TMEM123: variants seen among roughly 807,000 people sequenced by gnomAD.
The protein encoded by TMEM123 is porimin.
In TMEM123, 16 loss-of-function variants were observed where a neutral mutation model predicts 19.7. The ratio of observed to expected loss-of-function variants is 0.81; its 90% CI spans 0.55 to 1.23. The LOEUF (loss-of-function observed/expected upper bound fraction) is 1.23, where lower values mean the gene tolerates loss of function less well. Ranked by LOEUF, TMEM123 falls within the 50% of genes most tolerant of loss-of-function variation. The pLI is 0.00. For synonymous variants in TMEM123, 118 were observed against 99.4 expected (o/e 1.19, Z -1.12); for missense variants, 313 against 257.8 (o/e 1.21, Z -1.47).
chr11:102,411,363 A>G (rs1952003316), intron 2 of TMEM123, among the ~76,000 whole-genome samples: 1 of 152,142 alleles, frequency 6.6e-6, no homozygotes, highest in African/African-American at 2.4e-5. Context: ...ACCTTACCCT[A>G]ACCATCTCTT....
intron 2 of TMEM123, among the ~76,000 whole-genome samples, chr11:102,424,424 G>A (rs1329209220): frequency 2.0e-5 from 3 of 152,164 alleles, no homozygotes; most frequent in East Asian, 1.9e-4. Context: ...AGTGGCTCAC[G>A]CCTATAATCC....
At chr11:102,420,805 T>C (rs1290084341) in intron 2 of TMEM123, among the ~76,000 whole-genome samples, 2 of 152,168 alleles carry the variant, frequency 1.3e-5, no homozygotes, top group East Asian at 3.9e-4. Context: ...TGGCTCACTT[T>C]GGGAGGCCAA....
rs186720147 is a variant in TMEM123, at chr11:102,402,980, A to G, written c.158-774T>C. 1.2e-4 allele frequency among the ~76,000 whole-genome samples: 18 copies of G among 152,294 alleles called. No homozygotes were observed. In the East Asian group the frequency reaches 3.5e-3, roughly 29 times the overall value. On this transcript the variant is annotated intron_variant, in intron 2 of 4. Coordinates refer to ENST00000398136, the MANE Select transcript of TMEM123 (RefSeq NM_052932.3). ...TGGGGGGTATAATGTAAACAGAAACATATAGGTACAGATCTTGTTAATGCT... is the reference window on the plus strand; with the variant it reads ...TGGGGGGTATAATGTAAACAGAAACGTATAGGTACAGATCTTGTTAATGCT...
At chr11:102,435,646 A>G (rs1173320951) in intron 2 of TMEM123, among the ~76,000 whole-genome samples, 2 of 151,994 alleles carry the variant, frequency 1.3e-5, no homozygotes, top group East Asian at 3.8e-4. Flanking sequence ...TAGAAGCACT[A>G]TTCATAATAT....
chr11:102,441,314 G>A (rs543167370), intron 2 of TMEM123, among the ~76,000 whole-genome samples: 4 of 152,198 alleles, frequency 2.6e-5, no homozygotes, highest in African/African-American at 9.7e-5. Flanking sequence ...CTCAGCAAAT[G>A]TAAAAGAACA....
chr11:102,418,416 A>T (rs990536229), intron 2 of TMEM123, among the ~76,000 whole-genome samples: 3 of 152,210 alleles, frequency 2.0e-5, no homozygotes, highest in Admixed American at 1.3e-4. Flanking sequence ...CAAGCATATT[A>T]AAAAAATGCT....
intron 2 of TMEM123, among the ~76,000 whole-genome samples, chr11:102,443,736 A>C (rs1857852088): frequency 6.6e-6 from 1 of 152,168 alleles, no homozygotes; most frequent in Non-Finnish European, 1.5e-5. Context: ...TGGCAAAAGA[A>C]ACTACCATCA....
chr11:102,398,217 T>C lies in TMEM123; in HGVS notation c.*650A>G. ...AAAGCTCAAAAGAAGTTAATAAAAA[T>C]ATGTGCTCCTTAATGCTCCAATGGA... On this transcript the variant is annotated 3_prime_UTR_variant, in exon 5 of 5. Coordinates refer to ENST00000398136, the MANE Select transcript of TMEM123 (RefSeq NM_052932.3). 1 of 180,996 alleles carries C rather than the reference T, an allele frequency of 5.5e-6. No individual in the cohort carries two copies. Among genetic ancestry groups the C allele is most frequent in the Non-Finnish European group, 1.1e-5 (1 of 87,652 alleles). The allele number at this position is 180,996 out of a possible 1,614,324, so 11.2% of individuals were successfully genotyped here.
chr11:102,420,983 G>C (rs771359450), intron 2 of TMEM123, among the ~76,000 whole-genome samples: 1 of 152,176 alleles, frequency 6.6e-6, no homozygotes, highest in South Asian at 2.1e-4. Context: ...GGAGGCGGAG[G>C]TTGCAGTGAG....
At chr11:102,427,028 G>C (rs1417280882) in intron 2 of TMEM123, among the ~76,000 whole-genome samples, 2 of 150,748 alleles carry the variant, frequency 1.3e-5, no homozygotes, top group South Asian at 2.1e-4. Flanking sequence ...TTACAGGAGA[G>C]AACTCTGAGA....
chr11:102,423,992 A>T (rs1401380971), intron 2 of TMEM123, among the ~76,000 whole-genome samples: 2 of 152,220 alleles, frequency 1.3e-5, no homozygotes, highest in Non-Finnish European at 2.9e-5. Context: ...TCTCCTGTAA[A>T]AGAAAAGAAC....
chr11:102,418,491 T>C (rs567985086), intron 2 of TMEM123, among the ~76,000 whole-genome samples: 10 of 151,930 alleles, frequency 6.6e-5, no homozygotes, highest in Non-Finnish European at 1.2e-4. Context: ...CCAGTCAGAA[T>C]GGTAAAAAAT....
intron 4 of TMEM123, 106 bp from the exon 5 acceptor site, chr11:102,398,997 C>A (rs954304808): frequency 2.0e-6 from 2 of 1,016,608 alleles, no homozygotes; most frequent in Admixed American, 2.2e-5. Flanking sequence ...TCAAGCTGCA[C>A]AATCAAAATG....
Position 102,452,617 on chromosome 11 carries a change from G to T in TMEM123, c.7C>A (p.Leu3Ile). 6.4e-7 allele frequency: 1 copy of T among 1,554,686 alleles called. No individual in the cohort carries two copies. The highest frequency in any genetic ancestry group is 1.8e-5 in the Admixed American group (1 of 56,630). ...GCGGCCCAAGCACCTCGCGCGCCGA[G>T]TCCCATTGTTCCGAGGGCAGGATGC... Reference protein sequence around the residue: MGLGARGAWAALL... With the variant: MGIGARGAWAALL... Residue 3 changes from leucine to isoleucine, a missense_variant, in exon 1 of 5, where the codon CTC becomes ATC. Leu to Ile is a conservative substitution (Grantham distance 5). Coordinates refer to ENST00000398136, the MANE Select transcript of TMEM123 (RefSeq NM_052932.3).
chr11:102,414,201 TAA>T (rs1373880170), intron 2 of TMEM123, among the ~76,000 whole-genome samples: 2 of 152,078 alleles, frequency 1.3e-5, no homozygotes, highest in African/African-American at 4.8e-5. Flanking sequence ...TGGGATTATG[TAA>T]AGAGACAAAA....
chr11:102,450,558 T>G (rs1316826277), intron 1 of TMEM123, among the ~76,000 whole-genome samples: 1 of 152,260 alleles, frequency 6.6e-6, no homozygotes, highest in African/African-American at 2.4e-5. Context: ...CAATAATGTT[T>G]TTATCTTCTC....
At chr11:102,422,685 T>A (rs912578025) in intron 2 of TMEM123, among the ~76,000 whole-genome samples, 2 of 152,238 alleles carry the variant, frequency 1.3e-5, no homozygotes, top group Non-Finnish European at 2.9e-5. Flanking sequence ...AATACCGTGC[T>A]TTTCATACAT....
intron 2 of TMEM123, among the ~76,000 whole-genome samples, chr11:102,406,908 A>C (rs1167619550): frequency 6.6e-6 from 1 of 151,304 alleles, no homozygotes; most frequent in African/African-American, 2.4e-5. Context: ...AAGAGAGTAC[A>C]GCTTAGAGAG....
chr11:102,441,348 G>A (rs1232111869), intron 2 of TMEM123, among the ~76,000 whole-genome samples: 11 of 152,118 alleles, frequency 7.2e-5, no homozygotes, highest in South Asian at 2.1e-4. Context: ...ACTGTCTCTC[G>A]GACCACAGTG....
Sources: gnomAD v4.1 joint callset for allele counts (sites outside exome capture counted in the v4.1 genomes callset) on GRCh38, gnomAD v4.1.1 for gene constraint, MANE v1.5 for transcripts, NCBI Gene and HGNC (gene_info 2026-07-23, HGNC 2026-07-21) for gene names.